Variants in KCNIP4 observed in about 807,000 individuals in gnomAD.
KCNIP4 encodes potassium voltage-gated channel interacting protein 4, also known as Kv channel-interacting protein 4.
In KCNIP4, 12 loss-of-function variants were observed where a neutral mutation model predicts 34.0. The ratio of observed to expected loss-of-function variants is 0.35; its 90% CI spans 0.23 to 0.57. The LOEUF is 0.57. KCNIP4 is among the 20% of genes least tolerant of loss of function. KCNIP4 has a pLI of 0.83. For synonymous variants in KCNIP4, 124 were observed against 102.2 expected (o/e 1.21, Z -1.29); for missense variants, 238 against 311.7 (o/e 0.76, Z 1.78).
chr4:20,944,636 C>T lies in KCNIP4; in HGVS notation c.62-61927G>A, dbSNP rs376609745. On this transcript the variant is annotated intron_variant, in intron 1 of 8. Transcript: ENST00000382152. ...TCATGGCAGAGACAAAGAAGGTTTG[C>T]GGGTTTGCCTGGCAGCTTGCCCGAG... Among the ~76,000 whole-genome samples the T allele has an allele frequency of 2.4e-4, 36 of 152,280 alleles. No individual in the cohort carries two copies. In the South Asian group the frequency reaches 5.4e-3, roughly 23 times the overall value.
At chr4:21,528,698 A>T (rs1438684163) in intron 1 of KCNIP4, among the ~76,000 whole-genome samples, 1 of 302 alleles carries the variant, frequency 3.3e-3, no homozygotes, top group African/African-American at 0.018. Context: ...AAAGAAAGAA[A>T]GAAAGAAAGA....
chr4:21,431,837 T>A (rs1034899933), intron 1 of KCNIP4, among the ~76,000 whole-genome samples: 17 of 149,958 alleles, frequency 1.1e-4, no homozygotes, highest in African/African-American at 4.2e-4. Context: ...GAAACACAGA[T>A]AGGGAACATT....
chr4:20,748,560 TTATATATATATATATATATATATA>T (rs3075750), intron 5 of KCNIP4, among the ~76,000 whole-genome samples: 29 of 64,908 alleles, frequency 4.5e-4, no homozygotes, highest in African/African-American at 1.6e-3. Flanking sequence ...CTTCCAAATT[TTATATATATATATATATATATATA>T]TATATATATA....
intron 1 of KCNIP4, among the ~76,000 whole-genome samples, chr4:21,659,251 A>C (rs908579288): frequency 6.6e-6 from 1 of 152,192 alleles, no homozygotes; most frequent in African/African-American, 2.4e-5. Context: ...GATCTAGTGA[A>C]GTTAAAACTA....
rs192253525 is a variant in KCNIP4 at position 20,964,332 on chromosome 4, G to A, written c.62-81623C>T. Reference sequence around the variant, plus strand: ...CCTGACCATAGTATCCAATGACAGGGGTGGAAATTAGATTTTGACATGAAG... The same window carrying A: ...CCTGACCATAGTATCCAATGACAGGAGTGGAAATTAGATTTTGACATGAAG... On this transcript the variant is annotated intron_variant, in intron 1 of 8. Transcript: ENST00000382152. Among the ~76,000 whole-genome samples the A allele has an allele frequency of 2.6e-5, 4 of 152,240 alleles. No individual in the cohort carries two copies. The East Asian group carries it at 7.7e-4, about 29-fold the overall frequency.
chr4:21,288,967 C>A lies in KCNIP4; in HGVS notation c.62-406258G>T, dbSNP rs112466406. ...AACCAATCTATAAGGTAAATCTTATCCCCACTTGTTAATAAAGGAAAACTA... is the reference window on the plus strand; with the variant it reads ...AACCAATCTATAAGGTAAATCTTATACCCACTTGTTAATAAAGGAAAACTA... On this transcript the variant is annotated intron_variant, in intron 1 of 8. Transcript: ENST00000382152. 1.3e-5 allele frequency among the ~76,000 whole-genome samples: 2 copies of A among 152,134 alleles called. 1 individual carries two copies. Among genetic ancestry groups the A allele is most frequent in the African/African-American group, 4.8e-5 (2 of 41,506 alleles).
intron 1 of KCNIP4, among the ~76,000 whole-genome samples, chr4:21,840,577 A>G (rs1392707205): frequency 6.6e-6 from 1 of 152,136 alleles, no homozygotes; most frequent in Admixed American, 6.6e-5. Flanking sequence ...TGGCACCCCA[A>G]TTTTGCTTTG....
chr4:20,785,559 A>G (rs1274243473), intron 3 of KCNIP4, among the ~76,000 whole-genome samples: 4 of 152,054 alleles, frequency 2.6e-5, no homozygotes, highest in African/African-American at 9.7e-5. Context: ...TAACACGTAC[A>G]TTGCTCAACA....
chr4:21,832,432 T>C (rs1723042836), intron 1 of KCNIP4, among the ~76,000 whole-genome samples: 1 of 152,060 alleles, frequency 6.6e-6, no homozygotes. Context: ...GACCCAGTAC[T>C]ATATGGAAAG....
chr4:21,622,654 TAATTA>T (rs1438225565), intron 1 of KCNIP4, among the ~76,000 whole-genome samples: 3 of 152,182 alleles, frequency 2.0e-5, no homozygotes, highest in African/African-American at 7.2e-5. Flanking sequence ...AGTTAAAATT[TAATTA>T]AAACTATAAA....
At chr4:21,243,670 A>G (rs995580948) in intron 1 of KCNIP4, among the ~76,000 whole-genome samples, 2 of 152,214 alleles carry the variant, frequency 1.3e-5, no homozygotes, top group African/African-American at 4.8e-5. Context: ...TGCTTTCCAC[A>G]GTGCAGGAAA....
intron 1 of KCNIP4, among the ~76,000 whole-genome samples, chr4:21,449,372 A>G (rs1728313701): frequency 6.6e-6 from 1 of 152,148 alleles, no homozygotes; most frequent in Non-Finnish European, 1.5e-5. Context: ...GAGATAGAAA[A>G]GAATTTTGCC....
At chr4:21,397,019 G>A (rs1054755494) in intron 1 of KCNIP4, among the ~76,000 whole-genome samples, 5 of 152,196 alleles carry the variant, frequency 3.3e-5, no homozygotes, top group Non-Finnish European at 4.4e-5. Flanking sequence ...TCTTTTCCCA[G>A]TGGGGAAAAT....
intron 2 of KCNIP4, among the ~76,000 whole-genome samples, chr4:20,880,432 T>A (rs1724551909): frequency 6.6e-6 from 1 of 152,162 alleles, no homozygotes; most frequent in Admixed American, 6.5e-5. Context: ...TACTATACAA[T>A]CCCATTAGTA....
chr4:21,230,448 C>T (rs35262771), intron 1 of KCNIP4, among the ~76,000 whole-genome samples: 5 of 152,256 alleles, frequency 3.3e-5, no homozygotes, highest in Admixed American at 3.3e-4. Flanking sequence ...AACCCATCAC[C>T]TAGGAGTTAA....
At chr4:21,021,444 AT>A (rs756942315) in intron 1 of KCNIP4, among the ~76,000 whole-genome samples, 6 of 152,122 alleles carry the variant, frequency 3.9e-5, no homozygotes, top group African/African-American at 7.2e-5. Flanking sequence ...TTACTTTTTA[AT>A]TTTTTAAAAG....
intron 1 of KCNIP4, among the ~76,000 whole-genome samples, chr4:21,031,136 T>C (rs972228141): frequency 1.7e-4 from 26 of 152,194 alleles, no homozygotes; most frequent in Non-Finnish European, 8.8e-5. Context: ...TATACAACCT[T>C]CCTTAGCTTT....
intron 1 of KCNIP4, among the ~76,000 whole-genome samples, chr4:21,596,836 G>C (rs1742687433): frequency 6.6e-6 from 1 of 152,004 alleles, no homozygotes; most frequent in Admixed American, 6.6e-5. Context: ...GCGAGGAAAG[G>C]ACCAAGATAT....
intron 1 of KCNIP4, among the ~76,000 whole-genome samples, chr4:21,803,978 G>T (rs945046170): frequency 6.6e-5 from 10 of 152,182 alleles, no homozygotes; most frequent in Admixed American, 6.5e-5. Context: ...TGCAACAAGG[G>T]AGAAAGCAAC....
Sources: gnomAD v4.1 joint callset for allele counts (sites outside exome capture counted in the v4.1 genomes callset) on GRCh38, gnomAD v4.1.1 for gene constraint, MANE v1.5 for transcripts, NCBI Gene and HGNC (gene_info 2026-07-23, HGNC 2026-07-21) for gene names.